Variants in NDST4 observed in about 807,000 individuals in gnomAD.
NDST4 encodes the protein N-deacetylase and N-sulfotransferase 4.
NDST4 carries 63 observed loss-of-function variants against 100.8 expected under a neutral mutation model. The observed-to-expected ratio is 0.62, with a 90% CI of 0.51 to 0.77. The LOEUF is 0.77. Among genes scored for constraint, NDST4 ranks in the 30% least tolerant of loss-of-function variants. NDST4 has a pLI of 0.00. For synonymous variants in NDST4, 377 were observed against 361.8 expected, an observed-to-expected ratio of 1.04 and a Z score of -0.48; for missense variants, 943 against 1,018.4, an observed-to-expected ratio of 0.93 and a Z score of 1.01.
At chr4:114,940,902 T>C (rs1430215079) in intron 4 of NDST4, among the ~76,000 whole-genome samples, 1 of 152,166 alleles carries the variant, frequency 6.6e-6, no homozygotes, top group African/African-American at 2.4e-5. Context: ...TGCTGCTCAG[T>C]TGCTCTCCTG....
chr4:115,022,679 T>C (rs1409850107), intron 2 of NDST4, among the ~76,000 whole-genome samples: 1 of 152,058 alleles, frequency 6.6e-6, no homozygotes. Context: ...CATCTTGAAT[T>C]GTATCTCCCA....
chr4:114,956,216 T>C (rs1726138131), intron 4 of NDST4, among the ~76,000 whole-genome samples: 1 of 152,200 alleles, frequency 6.6e-6, no homozygotes, highest in Non-Finnish European at 1.5e-5. Flanking sequence ...TGGGTGTTAC[T>C]TTGAGAGAAG....
intron 2 of NDST4, among the ~76,000 whole-genome samples, chr4:115,073,668 T>C (rs1324446843): frequency 6.6e-6 from 1 of 151,558 alleles, no homozygotes; most frequent in Non-Finnish European, 1.5e-5. Flanking sequence ...AGTGAAGAGG[T>C]TGGAGAGATT....
At chr4:114,992,188 C>T (rs537257236) in intron 2 of NDST4, among the ~76,000 whole-genome samples, 1 of 151,352 alleles carries the variant, frequency 6.6e-6, no homozygotes, top group Non-Finnish European at 1.5e-5. Context: ...TTTTTCTGTT[C>T]CAGGATCCCA....
chr4:115,040,128 C>T (rs1310706244), intron 2 of NDST4, among the ~76,000 whole-genome samples: 7 of 151,370 alleles, frequency 4.6e-5, no homozygotes, highest in Non-Finnish European at 1.0e-4. Context: ...AAAAACTAGA[C>T]TTCTTTGAAT....
rs946931767 is a variant in NDST4, at chr4:114,935,189, A to C, written c.1536+17T>G. ...AAATGCTAATCTTATTGTAAGGTGC[A>C]TACATAGAATACATACTGGGTTTAG... On this transcript the variant is annotated intron_variant, in intron 6 of 13. Coordinates refer to ENST00000264363, the MANE Select transcript of NDST4 (RefSeq NM_022569.3). 3.8e-6 allele frequency: 6 copies of C among 1,572,956 alleles called. No homozygotes were observed. In the Admixed American group the frequency reaches 5.7e-5, roughly 15 times the overall value.
chr4:114,986,310 C>T (rs933819416), intron 2 of NDST4, among the ~76,000 whole-genome samples: 8 of 152,150 alleles, frequency 5.3e-5, no homozygotes, highest in Non-Finnish European at 8.8e-5. Context: ...AAACACTCCA[C>T]GTGTCTTTGA....
At chr4:114,969,914 A>T (rs1243249482) in intron 4 of NDST4, among the ~76,000 whole-genome samples, 1 of 152,176 alleles carries the variant, frequency 6.6e-6, no homozygotes, top group Admixed American at 6.5e-5. Flanking sequence ...GGCTATACTA[A>T]TTTATATTTC....
chr4:114,958,035 C>T (rs1479303767), intron 4 of NDST4, among the ~76,000 whole-genome samples: 3 of 152,162 alleles, frequency 2.0e-5, no homozygotes, highest in South Asian at 2.1e-4. Flanking sequence ...ATCTACCATT[C>T]TGGGGTCTAG....
chr4:115,081,145 A>C (rs559657970), intron 1 of NDST4, among the ~76,000 whole-genome samples: 9 of 152,266 alleles, frequency 5.9e-5, no homozygotes, highest in African/African-American at 1.9e-4. Flanking sequence ...CCAAAGAATA[A>C]ATAAAATTTA....
At position 115,077,075 on chromosome 4, in the gene NDST4, G is replaced by A. The variant is rs575572452; in HGVS notation, c.-39C>T. On this transcript the variant is annotated 5_prime_UTR_variant, in exon 2 of 14. The change creates a new upstream start codon in the 5' untranslated region. Transcript: ENST00000264363. ...GTTTTGGAAGCTTTTTCCCAATTTC[G>A]TTTCCTAAAGTGCCATAGTGAATAA... 7.6e-5 allele frequency: 116 copies of A among 1,532,158 alleles called. No individual in the cohort carries two copies. The highest frequency in any genetic ancestry group is 3.6e-4 in the Admixed American group (18 of 50,450). 94.9% of individuals were successfully genotyped at this position (1,532,158 alleles called of 1,614,324 possible).
intron 1 of NDST4, among the ~76,000 whole-genome samples, chr4:115,104,658 T>C (rs937496968): frequency 2.0e-5 from 3 of 152,156 alleles, no homozygotes; most frequent in Admixed American, 6.6e-5. Context: ...ATTTTCAAGA[T>C]CATGATAAAT....
intron 8 of NDST4, among the ~76,000 whole-genome samples, chr4:114,849,280 A>G (rs1723622497): frequency 6.6e-6 from 1 of 152,234 alleles, no homozygotes; most frequent in South Asian, 2.1e-4. Flanking sequence ...CTGGGTCATC[A>G]TAACTCTCAT....
chr4:114,921,749 G>A (rs1316611067), intron 6 of NDST4, among the ~76,000 whole-genome samples: 1 of 151,986 alleles, frequency 6.6e-6, no homozygotes, highest in Non-Finnish European at 1.5e-5. Context: ...TCTGAGTTTG[G>A]GTTATTAGAT....
chr4:114,930,343 G>C (rs1725486609), intron 6 of NDST4, among the ~76,000 whole-genome samples: 1 of 152,150 alleles, frequency 6.6e-6, no homozygotes, highest in Admixed American at 6.5e-5. Context: ...CCATGCGCCT[G>C]TTCCAAGTGT....
intron 1 of NDST4, among the ~76,000 whole-genome samples, chr4:115,088,647 C>T (rs769120325): frequency 1.5e-4 from 23 of 151,844 alleles, no homozygotes; most frequent in Non-Finnish European, 2.8e-4. Context: ...CCCCCACTCC[C>T]GCCCCCAATC....
chr4:115,068,822 A>G (rs1729008556), intron 2 of NDST4, among the ~76,000 whole-genome samples: 5 of 151,734 alleles, frequency 3.3e-5, no homozygotes, highest in Admixed American at 1.3e-4. Flanking sequence ...TCTCAAAAAA[A>G]AAAAAAAAAA....
In NDST4 at chr4:115,018,011, T is replaced by A. The variant is rs1727727325; in HGVS notation, c.979-40737A>T. Among the ~76,000 whole-genome samples the A allele has an allele frequency of 2.0e-5, 3 of 152,160 alleles. No homozygotes were observed. The South Asian group carries it at 6.2e-4, about 32-fold the overall frequency. ...GATTTATTAATATGGCATGTATATG[T>A]TAATATGGATATATGTGATTGAACC... On this transcript the variant is annotated intron_variant, in intron 2 of 13. Coordinates refer to ENST00000264363, the MANE Select transcript of NDST4 (RefSeq NM_022569.3).
intron 4 of NDST4, among the ~76,000 whole-genome samples, chr4:114,966,009 G>T (rs1167891686): frequency 6.6e-6 from 1 of 151,880 alleles, no homozygotes; most frequent in Non-Finnish European, 1.5e-5. Context: ...TAGCAGCAAA[G>T]ATCTATGAGT....
Sources: gnomAD v4.1 joint callset for allele counts (sites outside exome capture counted in the v4.1 genomes callset) on GRCh38, gnomAD v4.1.1 for gene constraint, MANE v1.5 for transcripts, NCBI Gene and HGNC (gene_info 2026-07-23, HGNC 2026-07-21) for gene names.